The following PCDH15 variants were observed in gnomAD, a reference collection of about 807,000 sequenced individuals.
PCDH15 encodes protocadherin related 15.
A neutral mutation model predicts 178.5 loss-of-function variants in PCDH15; 129 were observed. That is an observed-to-expected ratio of 0.72 (90% CI 0.63 to 0.84). PCDH15 has a LOEUF of 0.84. Ranked by LOEUF, PCDH15 falls within the 40% of genes least tolerant of loss-of-function variation. The pLI is 0.00. For synonymous variants in PCDH15, 800 were observed against 732.0 expected, an observed-to-expected ratio of 1.09 and a Z score of -1.50; for missense variants, 2,230 against 2,099.9, an observed-to-expected ratio of 1.06 and a Z score of -1.21.
chr10:54,533,314 T>A (rs933001919), intron 2 of PCDH15, among the ~76,000 whole-genome samples: 1 of 152,196 alleles, frequency 6.6e-6, no homozygotes, highest in East Asian at 1.9e-4. Context: ...GAGGAAAAAA[T>A]TGACAGATAA....
At chr10:54,361,782 T>C (rs1177372497) in intron 5 of PCDH15, among the ~76,000 whole-genome samples, 1 of 152,088 alleles carries the variant, frequency 6.6e-6, no homozygotes, top group Non-Finnish European at 1.5e-5. Flanking sequence ...CTCTACACTT[T>C]CAGATTTTAA....
intron 2 of PCDH15, among the ~76,000 whole-genome samples, chr10:55,612,614 T>A (rs1420708618): frequency 6.6e-6 from 1 of 152,174 alleles, no homozygotes; most frequent in Non-Finnish European, 1.5e-5. Flanking sequence ...TTAAAGTGAA[T>A]CATATATTTG....
At chr10:54,807,220 T>G (rs543694048) in intron 3 of PCDH15, among the ~76,000 whole-genome samples, 1 of 152,194 alleles carries the variant, frequency 6.6e-6, no homozygotes, top group African/African-American at 2.4e-5. Context: ...TTGAAAATTC[T>G]GAACAATCAA....
chr10:55,140,173 T>C (rs1467417879), intron 2 of PCDH15, among the ~76,000 whole-genome samples: 1 of 151,978 alleles, frequency 6.6e-6, no homozygotes, highest in African/African-American at 2.4e-5. Flanking sequence ...CTTTTCAATT[T>C]TGTAGATTCT....
At chr10:55,081,807 T>G (rs1258965016) in intron 2 of PCDH15, among the ~76,000 whole-genome samples, 1 of 152,178 alleles carries the variant, frequency 6.6e-6, no homozygotes, top group Non-Finnish European at 1.5e-5. Context: ...TATTTTGTTA[T>G]AGCAGGCTGA....
At chr10:53,817,510 CTTTTTCTTTTTTTTTTCTTTTTTTTTT>C (rs1564522703) in intron 34 of PCDH15, among the ~76,000 whole-genome samples, 1 of 140,562 alleles carries the variant, frequency 7.1e-6, no homozygotes, top group African/African-American at 2.7e-5. Context: ...TTTTTTTTTT[CTTTTTCTTTTTTTTTTCTTTTTTTTTT>C]TTTTGAGACA....
intron 8 of PCDH15, among the ~76,000 whole-genome samples, chr10:54,295,964 G>A (rs1443444194): frequency 9.3e-5 from 14 of 150,502 alleles, no homozygotes; most frequent in African/African-American, 3.4e-4. Context: ...CTAAAATGGT[G>A]AAACCCCGTC....
rs572489167 is a variant in PCDH15 at position 54,288,533 on chromosome 10, G to A, written c.876+28738C>T. Among the ~76,000 whole-genome samples the A allele has an allele frequency of 3.4e-4, 51 of 152,196 alleles. No individual in the cohort carries two copies. In the South Asian group the frequency reaches 7.5e-3, roughly 22 times the overall value. On this transcript the variant is annotated intron_variant, in intron 8 of 37. Transcript: ENST00000644397. ...TGGTTGAATAGTGGGTGCAGCCCAC[G>A]GAGGGCGAGCCACAGCAGGGTGGGG...
rs71014493 is a variant in PCDH15, at chr10:55,472,465, CTTTTTTTTTT to C, written c.-156+155150_-156+155159del. Among the ~76,000 whole-genome samples, 65 of 99,758 alleles carry C rather than the reference CTTTTTTTTTT, an allele frequency of 6.5e-4. 2 individuals carry two copies. Among genetic ancestry groups the C allele is most frequent in the African/African-American group, 2.2e-3 (59 of 27,304 alleles). 65.4% of individuals were successfully genotyped at this position (99,758 alleles called of 152,430 possible). ...CTTCAGAATCATAGTTTTGAATTAGCTTTTTTTTTTTTTTTTTTTTTTGAATGGCTACCAG... is the reference window on the plus strand; with the variant it reads ...CTTCAGAATCATAGTTTTGAATTAGCTTTTTTTTTTTTGAATGGCTACCAG... On this transcript the variant is annotated intron_variant, in intron 2 of 5. Coordinates refer to the PCDH15 transcript ENST00000613346.
intron 8 of PCDH15, among the ~76,000 whole-genome samples, chr10:54,251,037 T>C (rs970385333): frequency 6.6e-6 from 1 of 152,204 alleles, no homozygotes; most frequent in African/African-American, 2.4e-5. Context: ...TTGACAGACG[T>C]CTTTGAGTAC....
chr10:55,298,962 T>C (rs1186717898), intron 1 of PCDH15, among the ~76,000 whole-genome samples: 1 of 152,190 alleles, frequency 6.6e-6, no homozygotes, highest in Non-Finnish European at 1.5e-5. Context: ...TTCAATGCCA[T>C]GTACCTAGAA....
At chr10:54,059,212 A>G (rs2093964319) in intron 18 of PCDH15, among the ~76,000 whole-genome samples, 1 of 152,168 alleles carries the variant, frequency 6.6e-6, no homozygotes, top group African/African-American at 2.4e-5. Context: ...TTCCATTCAT[A>G]TTGCTACAAA....
chr10:54,224,933 G>A (rs542644670), intron 9 of PCDH15, among the ~76,000 whole-genome samples: 6 of 152,072 alleles, frequency 3.9e-5, no homozygotes, highest in Non-Finnish European at 5.9e-5. Context: ...TATAAATAAC[G>A]AACTTCATTT....
At chr10:54,228,154 A>AT (rs1591299883) in intron 9 of PCDH15, among the ~76,000 whole-genome samples, 1 of 152,056 alleles carries the variant, frequency 6.6e-6, no homozygotes, top group East Asian at 1.9e-4. Context: ...GTATTAGTTC[A>AT]TTTTCACACA....
chr10:54,752,714 A>AG (rs11442865), intron 1 of PCDH15, among the ~76,000 whole-genome samples: 1 of 151,144 alleles, frequency 6.6e-6, no homozygotes, highest in Non-Finnish European at 1.5e-5. Context: ...CAATGAAAGT[A>AG]TATAAAGCCA....
chr10:54,209,998 C>A (rs962379955), intron 10 of PCDH15, among the ~76,000 whole-genome samples: 6 of 152,078 alleles, frequency 3.9e-5, no homozygotes, highest in African/African-American at 1.2e-4. Flanking sequence ...AGGATGACAC[C>A]TTGCCAGGGC....
intron 8 of PCDH15, among the ~76,000 whole-genome samples, chr10:54,242,034 A>G (rs2055359495): frequency 6.7e-6 from 1 of 149,144 alleles, no homozygotes; most frequent in Non-Finnish European, 1.5e-5. Flanking sequence ...AGAGGATAAC[A>G]GTAGCCAATT....
chr10:54,355,680 A>G (rs541562769), intron 5 of PCDH15, among the ~76,000 whole-genome samples: 6 of 152,108 alleles, frequency 3.9e-5, no homozygotes, highest in South Asian at 2.1e-4. Flanking sequence ...GTTATTTTAC[A>G]AAAGGAGACA....
At chr10:54,725,097 A>G (rs1942286386) in intron 1 of PCDH15, among the ~76,000 whole-genome samples, 1 of 151,514 alleles carries the variant, frequency 6.6e-6, no homozygotes, top group Non-Finnish European at 1.5e-5. Flanking sequence ...TGCCAGAATA[A>G]GACATCACAT....
Sources: gnomAD v4.1 joint callset for allele counts (sites outside exome capture counted in the v4.1 genomes callset) on GRCh38, gnomAD v4.1.1 for gene constraint, MANE v1.5 for transcripts, NCBI Gene and HGNC (gene_info 2026-07-23, HGNC 2026-07-21) for gene names.